The following NOX5 variants were observed in gnomAD, a reference collection of about 807,000 sequenced individuals.
NOX5 encodes the protein NADPH oxidase, EF-hand calcium binding domain 5.
NOX5 carries 76 observed loss-of-function variants against 85.7 expected under a neutral mutation model. The ratio of observed to expected loss-of-function variants is 0.89; its 90% CI spans 0.74 to 1.07. NOX5 has a LOEUF of 1.07. Ranked by LOEUF, NOX5 falls within the 50% of genes least tolerant of loss-of-function variation. The pLI is 0.00. For synonymous variants in NOX5, 405 were observed against 401.4 expected, an observed-to-expected ratio of 1.01 and a Z score of -0.11; for missense variants, 973 against 999.5, an observed-to-expected ratio of 0.97 and a Z score of 0.36.
intron 1 of NOX5, chr15:69,023,434 T>C: frequency 2.3e-6 from 1 of 425,854 alleles, no homozygotes; most frequent in Non-Finnish European, 4.6e-6. Context: ...TGAGGCTGAT[T>C]ATAGGTGCCA....
rs1485337499 is a variant in NOX5 at position 69,033,205 on chromosome 15, G to C, written c.783G>C (p.Arg261=). Residue 261 remains arginine, a synonymous_variant, in exon 5 of 16, where the codon CGG becomes CGC. Transcript: ENST00000388866. The part of the protein sequence containing the change: ...LLFGLAASAH[R]DLGASVMVAK... ...TCGGGCTGGCGGCCAGCGCGCACCG[G>C]GACCTCGGCGCCAGCGTCATGGTGG... 4 of 1,596,714 alleles carry C rather than the reference G, an allele frequency of 2.5e-6. No homozygotes were observed. Among genetic ancestry groups the C allele is most frequent in the Admixed American group, 3.4e-5 (2 of 59,618 alleles).
In NOX5 at chr15:69,060,310, T is replaced by C. The variant is rs2050860503; in HGVS notation, c.*3614T>C. ...GAAGGTAGGGAGGGATGAGGAACAT[T>C]AGCCGAGACTGGCTCTGGGCCAACC... On this transcript the variant is annotated 3_prime_UTR_variant, in exon 16 of 16. Transcript: ENST00000388866. 6.6e-6 allele frequency: 1 copy of C among 152,252 alleles called. No homozygotes were observed. The highest frequency in any genetic ancestry group is 6.5e-5 in the Admixed American group (1 of 15,288). The allele number at this position is 152,252 out of a possible 1,614,324, so 9.4% of individuals were successfully genotyped here.
At position 69,038,868 on chromosome 15, in the gene NOX5, C is replaced by T. The variant is rs140038894; in HGVS notation, c.1383C>T (p.Leu461=). The T allele has an allele frequency of 5.3e-5, 86 of 1,614,070 alleles. No homozygotes were observed. The African/African-American group carries it at 1.1e-3, about 20-fold the overall frequency. ...VNLLPSKVTH[L]LIKRPPFFHY... is the part of the protein sequence containing the mutation. The stretch of plus-strand genomic sequence containing the variant: ...TTCCTCTTTCCCAGGTCACTCATCT[C>T]CTCATCAAGCGGCCCCCTTTTTTTC... The change falls in exon 9 of 16, where the codon CTC becomes CTT. Residue 461 remains leucine, a synonymous_variant. Transcript: ENST00000388866.
chr15:69,018,749 C>T (rs2050262842), intron 1 of NOX5, among the ~76,000 whole-genome samples: 1 of 152,148 alleles, frequency 6.6e-6, no homozygotes, highest in African/African-American at 2.4e-5. Flanking sequence ...CTTGATATCA[C>T]CTTTTGGAGA....
At chr15:69,034,231 ATTAATC>A (rs2050482771) in intron 5 of NOX5, among the ~76,000 whole-genome samples, 1 of 152,004 alleles carries the variant, frequency 6.6e-6, no homozygotes, top group Non-Finnish European at 1.5e-5. Flanking sequence ...ATTTTTAATT[ATTAATC>A]TTAATTTTTG....
intron 10 of NOX5, among the ~76,000 whole-genome samples, chr15:69,045,494 C>T (rs2050650229): frequency 6.8e-6 from 1 of 146,298 alleles, no homozygotes; most frequent in African/African-American, 2.6e-5. Flanking sequence ...CCCTTCCTCC[C>T]TCCCTCCCTC....
chr15:69,050,956 T>C (rs1001845314), intron 14 of NOX5, among the ~76,000 whole-genome samples: 1 of 152,178 alleles, frequency 6.6e-6, no homozygotes, highest in Non-Finnish European at 1.5e-5. Flanking sequence ...TTTATCCTAG[T>C]TTTTCTGGTC....
At chr15:69,033,735 T>C (rs930718000) in intron 5 of NOX5, among the ~76,000 whole-genome samples, 1 of 149,546 alleles carries the variant, frequency 6.7e-6, no homozygotes, top group African/African-American at 2.5e-5. Context: ...AATTTTGCTC[T>C]TGTTGCCCAG....
chr15:69,047,621 C>A, intron 12 of NOX5, 84 bp downstream of exon 12: 1 of 1,498,286 alleles, frequency 6.7e-7, no homozygotes, highest in South Asian at 1.3e-5. Flanking sequence ...TATTCCTTCT[C>A]CTTCCTCTCC....
intron 14 of NOX5, among the ~76,000 whole-genome samples, chr15:69,054,028 A>G (rs962272074): frequency 6.6e-6 from 1 of 152,186 alleles, no homozygotes; most frequent in Non-Finnish European, 1.5e-5. Context: ...GCAGGTTGGA[A>G]TGGCAAAGCT....
rs1567098112 is a variant in NOX5 at position 69,033,089 on chromosome 15, C to CGGCCGCGCCAGCTG, written c.668_681dup (p.Thr228GlyfsTer5). On this transcript the variant is annotated frameshift_variant, in exon 5 of 16. Transcript: ENST00000388866. LOFTEE classifies it high-confidence loss of function. ...CCCCGCCCCCCGCCCACGCCCGCGC[C>CGGCCGCGCCAGCTG]GGCCGCGCCAGCTGACCCGCGCCTA... is the stretch of plus-strand genomic sequence containing the variant. The CGGCCGCGCCAGCTG allele has an allele frequency of 2.6e-6, 4 of 1,556,876 alleles. No individual in the cohort carries two copies. Among genetic ancestry groups the CGGCCGCGCCAGCTG allele is most frequent in the South Asian group, 1.2e-5 (1 of 86,834 alleles).
intron 14 of NOX5, 126 bp downstream of exon 14, chr15:69,049,184 C>G: frequency 2.0e-6 from 1 of 504,130 alleles, no homozygotes; most frequent in Non-Finnish European, 3.3e-6. Context: ...TTAAAGTGAA[C>G]CCAGAGTCTT....
intron 10 of NOX5, among the ~76,000 whole-genome samples, chr15:69,045,547 T>TCTTTCTTTCTTTCTTTCTTC (rs2050655761): frequency 7.6e-6 from 1 of 131,876 alleles, no homozygotes; most frequent in Admixed American, 7.5e-5. Flanking sequence ...TTTCTTTCTT[T>TCTTTCTTTCTTTCTTTCTTC]CTTTCTTTCT....
At chr15:69,044,000 A>G (rs998129911) in intron 10 of NOX5, among the ~76,000 whole-genome samples, 27 of 152,330 alleles carry the variant, frequency 1.8e-4, no homozygotes, top group African/African-American at 6.3e-4. Context: ...CCTGGCCAAC[A>G]TGGTGAAACC....
chr15:69,047,962 C>G (rs375092092), intron 13 of NOX5, 51 bp downstream of exon 13: 3 of 1,541,222 alleles, frequency 1.9e-6, no homozygotes, highest in Admixed American at 3.4e-5. Context: ...CCCTGGACAA[C>G]TCCTAAAATA....
At position 69,055,376 on chromosome 15, in the gene NOX5, G is replaced by A; in HGVS notation, c.2042G>A (p.Gly681Asp). 3.7e-6 allele frequency: 6 copies of A among 1,614,200 alleles called. No homozygotes were observed. The highest frequency in any genetic ancestry group is 1.1e-5 in the South Asian group (1 of 91,084). The change falls in exon 15 of 16, where the codon GGC becomes GAC. Residue 681 changes from glycine (G) to aspartate (D), a missense_variant. By Grantham distance (94) the Gly-to-Asp change is moderately conservative. Coordinates refer to ENST00000388866, the MANE Select transcript of NOX5 (RefSeq NM_024505.4). ...CATATGTACATGACATCTGCACTGG[G>A]CAAGAATGACATGAAGGCCATTGGC... ...ELHMYMTSAL[G>D]KNDMKAIGLQ...
intron 1 of NOX5, among the ~76,000 whole-genome samples, chr15:69,018,493 T>G (rs948172489): frequency 6.6e-6 from 1 of 152,112 alleles, no homozygotes; most frequent in African/African-American, 2.4e-5. Context: ...CCTAGGGAGA[T>G]GCTGACAGTG....
chr15:69,023,137 A>G (rs935272196), intron 1 of NOX5: 3 of 379,220 alleles, frequency 7.9e-6, no homozygotes, highest in Non-Finnish European at 1.5e-5. Flanking sequence ...CTGCTGTGGT[A>G]TTAAACAGAG....
chr15:69,040,874 G>A (rs1003601481), intron 9 of NOX5, among the ~76,000 whole-genome samples: 1 of 152,192 alleles, frequency 6.6e-6, no homozygotes, highest in East Asian at 1.9e-4. Flanking sequence ...TTTTAGTAGA[G>A]TCTGGATTTC....
Sources: allele counts gnomAD v4.1 joint callset (sites outside exome capture counted in the v4.1 genomes callset), GRCh38; gene constraint gnomAD v4.1.1; transcripts MANE v1.5; gene names NCBI Gene and HGNC (gene_info 2026-07-23, HGNC 2026-07-21).